ATP13A4: variants seen among roughly 807,000 people sequenced by gnomAD.
ATP13A4 encodes probable cation-transporting ATPase 13A4.
Under a neutral mutation model 142.5 loss-of-function variants are expected in ATP13A4, and 114 were observed. That is an observed-to-expected ratio of 0.80 (90% CI 0.69 to 0.93). ATP13A4 has a LOEUF of 0.93. Among genes scored for constraint, ATP13A4 ranks in the 40% least tolerant of loss-of-function variants. The pLI is 0.00. For missense variants in ATP13A4, 1,392 were observed against 1,454.0 expected (o/e 0.96, Z 0.69); for synonymous variants, 488 against 514.8 (o/e 0.95, Z 0.70).
intron 1 of ATP13A4, among the ~76,000 whole-genome samples, chr3:193,582,518 T>G (rs1401482863): frequency 1.4e-5 from 2 of 139,982 alleles, no homozygotes; most frequent in Admixed American, 1.5e-4. Flanking sequence ...ACATTAATAA[T>G]ATATGTACAT....
intron 5 of ATP13A4, 135 bp downstream of exon 5, chr3:193,492,782 T>C: frequency 1.4e-6 from 1 of 715,208 alleles, no homozygotes; most frequent in South Asian, 1.8e-5. Flanking sequence ...GTGAAAGATT[T>C]AATTTAATAA....
In ATP13A4 at chr3:193,457,392, C is replaced by A. The variant is rs1441967664; in HGVS notation, c.1748G>T (p.Arg583Ile). Residue 583 changes from arginine to isoleucine, a missense_variant, in exon 15 of 30, where the codon AGA (arginine) becomes ATA (isoleucine). Physicochemically the swap from Arg to Ile is moderately conservative, Grantham distance 97. Transcript: ENST00000342695. ...PAHAMVVKPC[R>I]TASQVPVEGI... ...AGCAGGGCTTACCTGGCTGGCTGTT[C>A]TGCAGGGCTTAACTACCATGGCATG... The A allele has an allele frequency of 1.2e-6, 2 of 1,614,098 alleles. No individual in the cohort carries two copies. Among genetic ancestry groups the A allele is most frequent in the Non-Finnish European group, 1.7e-6 (2 of 1,180,030 alleles).
chr3:193,533,527 CAGA>C (rs1722434927), intron 1 of ATP13A4, among the ~76,000 whole-genome samples: 2 of 151,808 alleles, frequency 1.3e-5, no homozygotes, highest in Non-Finnish European at 2.9e-5. Flanking sequence ...AGGATTAGAG[CAGA>C]AGAAGTTGGT....
chr3:193,427,564 A>C lies in ATP13A4; in HGVS notation c.2842+6281T>G, dbSNP rs904474457. On this transcript the variant is annotated intron_variant, in intron 25 of 29. Coordinates refer to ENST00000342695, the MANE Select transcript of ATP13A4 (RefSeq NM_032279.4). Reference sequence around the variant, plus strand: ...TGACTTCAAACTGTACTACAAGGCTACAGTCACCAAAAGAGCATGGTACAG... The same window carrying C: ...TGACTTCAAACTGTACTACAAGGCTCCAGTCACCAAAAGAGCATGGTACAG... Among the ~76,000 whole-genome samples, 9 of 152,250 alleles carry C rather than the reference A, an allele frequency of 5.9e-5. 1 individual carries two copies. The South Asian group carries it at 1.4e-3, about 24-fold the overall frequency.
At chr3:193,526,073 C>A (rs752637281) in intron 1 of ATP13A4, among the ~76,000 whole-genome samples, 1 of 152,070 alleles carries the variant, frequency 6.6e-6, no homozygotes, top group Non-Finnish European at 1.5e-5. Context: ...GCTTGCTAGG[C>A]CTGGCTTGCT....
chr3:193,444,450 G>C (rs1022955628), intron 18 of ATP13A4, among the ~76,000 whole-genome samples: 6 of 152,206 alleles, frequency 3.9e-5, no homozygotes, highest in African/African-American at 1.4e-4. Flanking sequence ...AAGCTACAGG[G>C]TTCTTCAGGT....
At chr3:193,536,961 T>A (rs188152660) in intron 1 of ATP13A4, among the ~76,000 whole-genome samples, 7 of 151,946 alleles carry the variant, frequency 4.6e-5, no homozygotes, top group East Asian at 1.9e-4. Flanking sequence ...TGAAGGAAGA[T>A]CTAAGCAAAC....
chr3:193,523,445 C>T (rs1290310520), intron 1 of ATP13A4, among the ~76,000 whole-genome samples: 1 of 152,190 alleles, frequency 6.6e-6, no homozygotes, highest in African/African-American at 2.4e-5. Context: ...ACCCCCTGAC[C>T]TCTAGGGAAA....
upstream of ATP13A4, among the ~76,000 whole-genome samples, chr3:193,557,574 A>G (rs987757857): frequency 2.6e-5 from 4 of 152,232 alleles, no homozygotes; most frequent in African/African-American, 9.6e-5. Flanking sequence ...TTGACAGACA[A>G]GGAAACACAG....
chr3:193,449,604 A>G (rs912627673), intron 17 of ATP13A4, among the ~76,000 whole-genome samples: 1 of 152,202 alleles, frequency 6.6e-6, no homozygotes, highest in African/African-American at 2.4e-5. Flanking sequence ...AGCTTCAGCT[A>G]TCACTAAACT....
At chr3:193,431,646 G>T (rs1028170655) in intron 25 of ATP13A4, among the ~76,000 whole-genome samples, 3 of 150,660 alleles carry the variant, frequency 2.0e-5, no homozygotes, top group Middle Eastern at 3.4e-3. Context: ...ATATAAATAT[G>T]CTTCCAAATA....
intron 10 of ATP13A4, 136 bp from the exon 11 acceptor site, chr3:193,466,318 C>A: frequency 2.7e-6 from 3 of 1,091,612 alleles, no homozygotes; most frequent in Non-Finnish European, 4.2e-6. Flanking sequence ...TGAAAGATAA[C>A]TAGAAAAATA....
intron 2 of ATP13A4, among the ~76,000 whole-genome samples, chr3:193,567,981 C>T (rs148360626): frequency 0.014 from 2,072 of 150,926 alleles, 58 homozygotes; most frequent in African/African-American, 0.048. Context: ...TTTTTTTAGA[C>T]GGAGTTTCAC....
At chr3:193,484,143 A>G in intron 7 of ATP13A4, 138 bp from the exon 8 acceptor site, 2 of 709,638 alleles carry the variant, frequency 2.8e-6, no homozygotes, top group South Asian at 3.2e-5. Context: ...AAAACAAAGG[A>G]CTAAGTACTC....
chr3:193,481,575 G>A (rs781475063), intron 8 of ATP13A4, among the ~76,000 whole-genome samples: 8 of 152,118 alleles, frequency 5.3e-5, no homozygotes, highest in Admixed American at 1.3e-4. Flanking sequence ...TTAAAACAGA[G>A]CTACATTTTA....
In ATP13A4 at chr3:193,465,092, C is replaced by T. The variant is rs761329696; in HGVS notation, c.1309G>A (p.Val437Ile). The T allele has an allele frequency of 8.7e-6, 14 of 1,613,948 alleles. No individual in the cohort carries two copies. The highest frequency in any genetic ancestry group is 4.4e-5 in the South Asian group (4 of 91,078). ...PEEVVRKALDVITIAVPPALP... is the reference protein window; with the variant it reads ...PEEVVRKALDIITIAVPPALP... The stretch of plus-strand genomic sequence containing the variant: ...GCCGGAGGAACCGCAATTGTGATGA[C>T]GTCAAGGGCTTTCCTCACCACCTCC... The change falls in exon 12 of 30, where the codon GTC becomes ATC. Residue 437 changes from valine (V) to isoleucine (I), a missense_variant. Coordinates refer to ENST00000342695, the MANE Select transcript of ATP13A4 (RefSeq NM_032279.4).
chr3:193,560,433 C>G (rs1723989951), intron 2 of ATP13A4, among the ~76,000 whole-genome samples: 1 of 152,028 alleles, frequency 6.6e-6, no homozygotes, highest in Non-Finnish European at 1.5e-5. Context: ...GGTCTTGAAC[C>G]CTGAGCAAAA....
chr3:193,485,107 T>C (rs777668469), intron 7 of ATP13A4, among the ~76,000 whole-genome samples: 1 of 151,706 alleles, frequency 6.6e-6, no homozygotes, highest in Non-Finnish European at 1.5e-5. Flanking sequence ...AAAAGCCTAG[T>C]GCATCTGGAA....
chr3:193,528,836 A>T (rs992886367), intron 1 of ATP13A4, among the ~76,000 whole-genome samples: 1 of 149,054 alleles, frequency 6.7e-6, no homozygotes, highest in African/African-American at 2.5e-5. Flanking sequence ...AAACCATACC[A>T]TACACATTAT....
Sources: allele counts gnomAD v4.1 joint callset (sites outside exome capture counted in the v4.1 genomes callset), GRCh38; gene constraint gnomAD v4.1.1; transcripts MANE v1.5; gene names NCBI Gene and HGNC (gene_info 2026-07-23, HGNC 2026-07-21).